Variants in TASP1 observed in about 807,000 individuals in gnomAD.
TASP1 encodes threonine aspartase 1.
Under a neutral mutation model 56.6 loss-of-function variants are expected in TASP1, and 16 were observed. The ratio of observed to expected loss-of-function variants is 0.28; its 90% CI spans 0.19 to 0.43. The LOEUF (loss-of-function observed/expected upper bound fraction) is 0.43, where lower values mean the gene tolerates loss of function less well. Ranked by LOEUF, TASP1 falls within the 20% of genes least tolerant of loss-of-function variation. The pLI is 1.00. For missense variants in TASP1, 393 were observed against 511.6 expected, an observed-to-expected ratio of 0.77 and a Z score of 2.24; for synonymous variants, 179 against 184.2, an observed-to-expected ratio of 0.97 and a Z score of 0.23.
the TASP1 span, among the ~76,000 whole-genome samples, chr20:13,247,274 T>C: frequency 6.6e-6 from 1 of 152,026 alleles, no homozygotes; most frequent in Non-Finnish European, 1.5e-5. Context: ...AAAGAGGGCC[T>C]GGGTCTGCAA....
At chr20:13,306,761 A>C in the TASP1 span, among the ~76,000 whole-genome samples, 1 of 152,022 alleles carries the variant, frequency 6.6e-6, no homozygotes, top group Non-Finnish European at 1.5e-5. Flanking sequence ...CCTCCCTTAG[A>C]GCTGTCAGGA....
At chr20:13,340,548 T>C in the TASP1 span, among the ~76,000 whole-genome samples, 1 of 152,128 alleles carries the variant, frequency 6.6e-6, no homozygotes, top group Non-Finnish European at 1.5e-5. Flanking sequence ...GGATATATAA[T>C]AGATGTGCAT....
intron 4 of TASP1, among the ~76,000 whole-genome samples, chr20:13,617,455 G>T (rs2048561767): frequency 6.6e-6 from 1 of 152,048 alleles, no homozygotes; most frequent in South Asian, 2.1e-4. Flanking sequence ...TTCAAGGGTG[G>T]TAGGTCTAAA....
At chr20:13,277,394 C>T in the TASP1 span, among the ~76,000 whole-genome samples, 8 of 147,904 alleles carry the variant, frequency 5.4e-5, no homozygotes, top group South Asian at 2.2e-4. Flanking sequence ...GCCTTGCAGA[C>T]GATTGTTGCA....
chr20:13,335,701 C>T, the TASP1 span, among the ~76,000 whole-genome samples: 3 of 151,492 alleles, frequency 2.0e-5, no homozygotes, highest in Admixed American at 1.3e-4. Context: ...AAAAAAAGAG[C>T]TCTTGAAAAT....
the TASP1 span, among the ~76,000 whole-genome samples, chr20:13,349,700 T>C: frequency 2.0e-5 from 3 of 152,236 alleles, no homozygotes; most frequent in Non-Finnish European, 4.4e-5. Context: ...TGATAGTCTA[T>C]GTAGAAATTT....
chr20:13,202,981 C>G, the TASP1 span, among the ~76,000 whole-genome samples: 1 of 152,204 alleles, frequency 6.6e-6, no homozygotes, highest in South Asian at 2.1e-4. Flanking sequence ...CAGCTTTAGG[C>G]TAAACTTAAT....
chr20:13,297,563 G>A, the TASP1 span, among the ~76,000 whole-genome samples: 1 of 152,180 alleles, frequency 6.6e-6, no homozygotes, highest in Non-Finnish European at 1.5e-5. Flanking sequence ...TCAGATGACT[G>A]AGGGACCAAG....
intron 11 of TASP1, among the ~76,000 whole-genome samples, chr20:13,448,909 C>G (rs1447096379): frequency 6.6e-6 from 1 of 151,922 alleles, no homozygotes; most frequent in Non-Finnish European, 1.5e-5. Context: ...ACCCTTAGTT[C>G]TAAGAGGGGT....
chr20:13,323,764 CCTT>C, the TASP1 span, among the ~76,000 whole-genome samples: 164 of 152,208 alleles, frequency 1.1e-3, no homozygotes, highest in Middle Eastern at 0.014. Context: ...GGAAAAAAAG[CCTT>C]CTTCTTCAAT....
the TASP1 span, among the ~76,000 whole-genome samples, chr20:13,176,325 G>A: frequency 1.3e-5 from 2 of 152,162 alleles, no homozygotes; most frequent in African/African-American, 4.8e-5. Flanking sequence ...CCTTCTTCCA[G>A]TTCCATTCAG....
the TASP1 span, among the ~76,000 whole-genome samples, chr20:13,150,777 C>G: frequency 6.6e-6 from 1 of 152,190 alleles, no homozygotes; most frequent in Admixed American, 6.5e-5. Context: ...TTGCCTTGTT[C>G]ACAACTTCTG....
chr20:13,259,537 G>C, the TASP1 span, among the ~76,000 whole-genome samples: 1 of 152,100 alleles, frequency 6.6e-6, no homozygotes, highest in Non-Finnish European at 1.5e-5. Context: ...GAAAGAAAAG[G>C]AAGATGCTAA....
chr20:13,447,630 C>G (rs1335906449), intron 11 of TASP1, among the ~76,000 whole-genome samples: 2 of 152,112 alleles, frequency 1.3e-5, no homozygotes, highest in Non-Finnish European at 2.9e-5. Flanking sequence ...CTACTAAAGA[C>G]AGCCAAACAG....
chr20:13,520,184 A>T (rs971993345), intron 10 of TASP1, among the ~76,000 whole-genome samples: 1 of 152,190 alleles, frequency 6.6e-6, no homozygotes, highest in African/African-American at 2.4e-5. Flanking sequence ...TATCGGGAAA[A>T]TGGCCATACT....
At chr20:13,206,525 A>G in the TASP1 span, among the ~76,000 whole-genome samples, 23 of 152,216 alleles carry the variant, frequency 1.5e-4, 1 homozygote, top group Non-Finnish European at 3.2e-4. Context: ...TTTTAAAATA[A>G]CATTAATTTC....
intron 13 of TASP1, among the ~76,000 whole-genome samples, chr20:13,394,717 A>G (rs1188651388): frequency 6.6e-6 from 1 of 152,150 alleles, no homozygotes; most frequent in Non-Finnish European, 1.5e-5. Flanking sequence ...TTAGATTCTC[A>G]GATGCAAACA....
At chr20:13,611,591 C>G (rs148750213) in intron 4 of TASP1, among the ~76,000 whole-genome samples, 1 of 152,278 alleles carries the variant, frequency 6.6e-6, no homozygotes, top group East Asian at 1.9e-4. Flanking sequence ...CAATTCGCAG[C>G]CTCTAGACCA....
the TASP1 span, among the ~76,000 whole-genome samples, chr20:13,198,850 CTTTCT>C: frequency 1.3e-3 from 162 of 128,588 alleles, no homozygotes; most frequent in Admixed American, 2.3e-3. Context: ...TTCTTTCTTT[CTTTCT>C]TTCCTTCCTT....
Sources: allele counts gnomAD v4.1 joint callset (sites outside exome capture counted in the v4.1 genomes callset), GRCh38; gene constraint gnomAD v4.1.1; transcripts MANE v1.5; gene names NCBI Gene and HGNC (gene_info 2026-07-23, HGNC 2026-07-21).